ADGRE1: variants seen among roughly 807,000 people sequenced by gnomAD.
The protein encoded by ADGRE1 is adhesion G protein-coupled receptor E1.
A neutral mutation model predicts 102.7 loss-of-function variants in ADGRE1; 82 were observed. The observed-to-expected ratio is 0.80, with a 90% CI of 0.67 to 0.96. The LOEUF (loss-of-function observed/expected upper bound fraction) is 0.96, where lower values mean the gene tolerates loss of function less well. Ranked by LOEUF, ADGRE1 falls within the 40% of genes least tolerant of loss-of-function variation. The pLI, the probability that ADGRE1 is intolerant of heterozygous loss-of-function variation, is 0.00. For synonymous variants in ADGRE1, 398 were observed against 399.6 expected (o/e 1.00, Z 0.05); for missense variants, 1,032 against 1,085.3 (o/e 0.95, Z 0.69).
At chr19:6,908,279 C>T (rs396827) in intron 9 of ADGRE1, among the ~76,000 whole-genome samples, 56,305 of 152,038 alleles carry the variant, frequency 0.37, 12,246 homozygotes, top group African/African-American at 0.6. Flanking sequence ...CAATGCTTAT[C>T]ACTGGCTTGC....
chr19:6,936,804 G>A (rs918175897), intron 18 of ADGRE1, among the ~76,000 whole-genome samples: 3 of 152,052 alleles, frequency 2.0e-5, no homozygotes, highest in African/African-American at 4.8e-5. Flanking sequence ...TCTATTTTTA[G>A]TAGAGACGGG....
At chr19:6,935,112 A>AAG (rs2145034716) in intron 18 of ADGRE1, 34 bp downstream of exon 18, 1 of 1,525,204 alleles carries the variant, frequency 6.6e-7, no homozygotes, top group African/African-American at 1.4e-5. Context: ...CCCTCTTTTA[A>AAG]TTTCCTCTTT....
At chr19:6,915,521 G>A (rs941301613) in intron 11 of ADGRE1, among the ~76,000 whole-genome samples, 7 of 152,142 alleles carry the variant, frequency 4.6e-5, no homozygotes, top group South Asian at 2.1e-4. Context: ...CAGCTAGTGC[G>A]TGGCAGAGCT....
Position 6,928,240 on chromosome 19 carries a change from A to G in ADGRE1, c.2289+29A>G, listed in dbSNP as rs902618250. On this transcript the variant is annotated intron_variant, in intron 17 of 20. Coordinates refer to ENST00000312053, the MANE Select transcript of ADGRE1 (RefSeq NM_001974.5). ...AGCAAATACTACAACAGCCTGGCGA[A>G]GTGTGTTCTGAAGGAGGAGCAAGGA... 3 of 1,614,116 alleles carry G rather than the reference A, an allele frequency of 1.9e-6. No individual in the cohort carries two copies. In the Admixed American group the frequency reaches 5.0e-5, roughly 27 times the overall value.
chr19:6,908,870 A>C (rs1599732165), intron 10 of ADGRE1, 98 bp downstream of exon 10: 23 of 1,140,476 alleles, frequency 2.0e-5, no homozygotes, highest in African/African-American at 3.1e-5. Context: ...GTGGTGGCTC[A>C]CACCCATAAT....
At chr19:6,932,295 C>T (rs1455873456) in intron 17 of ADGRE1, among the ~76,000 whole-genome samples, 3 of 151,730 alleles carry the variant, frequency 2.0e-5, no homozygotes, top group Non-Finnish European at 4.4e-5. Flanking sequence ...GGTGAAACCC[C>T]GTCTCCACTA....
chr19:6,928,146 T>C lies in ADGRE1; in HGVS notation c.2224T>C (p.Cys742Arg). 6.2e-7 allele frequency: 1 copy of C among 1,613,666 alleles called. No individual in the cohort carries two copies. Among genetic ancestry groups the C allele is most frequent in the African/African-American group, 1.3e-5 (1 of 75,028 alleles). Reference protein sequence around the residue: ...QPQGYGMHNRCWLNTETGFIW... With the variant: ...QPQGYGMHNRRWLNTETGFIW... ...GACTCCTCCTATTTCTCTCCACAGC[T>C]GCTGGCTGAATACAGAGACAGGGTT... The change falls in exon 17 of 21, where the codon TGC (cysteine) becomes CGC (arginine). Residue 742 changes from cysteine (C) to arginine (R), a missense_variant and splice_region_variant. Transcript: ENST00000312053.
In ADGRE1 at chr19:6,896,443, G is replaced by GCAC. The variant is rs1973553447; in HGVS notation, c.143_145dup (p.Thr48dup). On this transcript the variant is annotated inframe_insertion, in exon 3 of 21. Coordinates refer to ENST00000312053, the MANE Select transcript of ADGRE1 (RefSeq NM_001974.5). ...ACCTTGTGCCCAGCTTATGCCACCT[G>GCAC]CACCAATACAGTGGACAGTTACTAT... The GCAC allele has an allele frequency of 6.2e-7, 1 of 1,613,974 alleles. No individual in the cohort carries two copies. The highest frequency in any genetic ancestry group is 8.5e-7 in the Non-Finnish European group (1 of 1,179,988).
intron 20 of ADGRE1, among the ~76,000 whole-genome samples, chr19:6,938,357 A>T (rs1975520240): frequency 6.6e-6 from 1 of 152,164 alleles, no homozygotes. Flanking sequence ...TTAAATAAAT[A>T]TAGATATCTT....
intron 1 of ADGRE1, among the ~76,000 whole-genome samples, chr19:6,890,145 G>T (rs1973307240): frequency 6.6e-6 from 1 of 152,120 alleles, no homozygotes; most frequent in Non-Finnish European, 1.5e-5. Context: ...CAAACTGCTG[G>T]TCTCAAGTGA....
In ADGRE1 at chr19:6,940,257, A is replaced by G. The variant is rs540114050; in HGVS notation, c.*228A>G. The G allele has an allele frequency of 2.4e-5, 14 of 592,736 alleles. No individual in the cohort carries two copies. Among genetic ancestry groups the G allele is most frequent in the African/African-American group, 1.7e-4 (9 of 53,746 alleles). The allele number at this position is 592,736 out of a possible 1,614,324, so 36.7% of individuals were successfully genotyped here. A position where few individuals can be genotyped will look rare whatever the true frequency, so the allele number is the denominator to read the frequency against. The stretch of plus-strand genomic sequence containing the variant: ...GACCATTTTATCTTCGTGCTCTGCA[A>G]CTTCTTCAATTCCAGAGTTTCTGAG... On this transcript the variant is annotated 3_prime_UTR_variant, in exon 21 of 21. Transcript: ENST00000312053.
At chr19:6,896,111 T>C (rs975812942) in intron 2 of ADGRE1, 2 of 297,524 alleles carry the variant, frequency 6.7e-6, no homozygotes, top group Admixed American at 4.7e-5. Flanking sequence ...TGCATGGCAC[T>C]GTCCCTGTGC....
At position 6,897,427 on chromosome 19, in the gene ADGRE1, G is replaced by A; in HGVS notation, c.395-1G>A. On this transcript the variant is annotated splice_acceptor_variant, in intron 4 of 20. Coordinates refer to ENST00000312053, the MANE Select transcript of ADGRE1 (RefSeq NM_001974.5). LOFTEE classifies it high-confidence loss of function. The stretch of plus-strand genomic sequence containing the variant: ...GCTCACCCTCTTCCACTGCTTCTCA[G>A]ATATCAATGAGTGCCTCACCAGCAG... 1 of 1,592,818 alleles carries A rather than the reference G, an allele frequency of 6.3e-7. No individual in the cohort carries two copies. Among genetic ancestry groups the A allele is most frequent in the Non-Finnish European group, 8.6e-7 (1 of 1,168,738 alleles).
rs146175575 is a variant in ADGRE1 at position 6,936,448 on chromosome 19, A to G, written c.2382-795A>G. Among the ~76,000 whole-genome samples the G allele has an allele frequency of 4.7e-3, 711 of 151,614 alleles. 8 individuals carry two copies. Among genetic ancestry groups the G allele is most frequent in the African/African-American group, 0.015 (622 of 41,330 alleles). On this transcript the variant is annotated intron_variant, in intron 18 of 20. Coordinates refer to ENST00000312053, the MANE Select transcript of ADGRE1 (RefSeq NM_001974.5). ...GACACTCCATCTCCAAAAAAAAAAA[A>G]AGACAAAAAGGTAAAACAAAGTTGA...
intron 5 of ADGRE1, among the ~76,000 whole-genome samples, chr19:6,900,310 A>AC: frequency 9.0e-6 from 1 of 110,570 alleles, no homozygotes; most frequent in East Asian, 2.9e-4. Flanking sequence ...CCCTGTCTCT[A>AC]CAAAAAAAAA....
intron 17 of ADGRE1, among the ~76,000 whole-genome samples, chr19:6,930,076 A>G (rs1482498881): frequency 2.0e-5 from 3 of 152,190 alleles, no homozygotes; most frequent in Non-Finnish European, 4.4e-5. Context: ...GCTGCTCTCC[A>G]TTAGAAAAGA....
chr19:6,903,950 G>C lies in ADGRE1; in HGVS notation c.802G>C (p.Asp268His), dbSNP rs1973858862. 1 of 1,614,202 alleles carries C rather than the reference G, an allele frequency of 6.2e-7. No homozygotes were observed. Among genetic ancestry groups the C allele is most frequent in the East Asian group, 2.2e-5 (1 of 44,886 alleles). Reference protein sequence around the residue: ...NFTDQGVECRDIDECRQDPST... With the variant: ...NFTDQGVECRHIDECRQDPST... ...CACAGACCAAGGAGTGGAATGTAGAGGTGAGCAGAGAGTTTGATGGACAAT... is the reference window on the plus strand; with the variant it reads ...CACAGACCAAGGAGTGGAATGTAGACGTGAGCAGAGAGTTTGATGGACAAT... The change falls in exon 7 of 21, where the codon GAT (aspartate) becomes CAT (histidine). Residue 268 changes from aspartate (D) to histidine (H), a missense_variant and splice_region_variant. Asp to His is a moderately conservative substitution (Grantham distance 81). Transcript: ENST00000312053.
chr19:6,925,627 T>C (rs983794212), intron 15 of ADGRE1, among the ~76,000 whole-genome samples: 1 of 152,180 alleles, frequency 6.6e-6, no homozygotes, highest in African/African-American at 2.4e-5. Context: ...TCTGCAATAA[T>C]GTTACAGATG....
At chr19:6,938,165 C>T (rs1975509974) in intron 20 of ADGRE1, among the ~76,000 whole-genome samples, 1 of 151,934 alleles carries the variant, frequency 6.6e-6, no homozygotes, top group Non-Finnish European at 1.5e-5. Flanking sequence ...GGCAAAACCC[C>T]CATCTCTATT....
Sources: gnomAD v4.1 joint callset for allele counts (sites outside exome capture counted in the v4.1 genomes callset) on GRCh38, gnomAD v4.1.1 for gene constraint, MANE v1.5 for transcripts, NCBI Gene and HGNC (gene_info 2026-07-23, HGNC 2026-07-21) for gene names.